Variants in ZNF131 observed in about 807,000 individuals in gnomAD.
The protein encoded by ZNF131 is zinc finger and BTB domain containing 35, also known as zinc finger protein 131.
Under a neutral mutation model 60.0 loss-of-function variants are expected in ZNF131, and 7 were observed. The ratio of observed to expected loss-of-function variants is 0.12; its 90% confidence interval spans 0.07 to 0.22. The LOEUF is 0.22. Ranked by LOEUF, ZNF131 falls within the 10% of genes least tolerant of loss-of-function variation. The probability of loss-of-function intolerance (pLI) is 1.00; values close to 1 mark genes in which losing one functional copy is unlikely to be tolerated. For missense variants in ZNF131, 493 were observed against 740.9 expected (o/e 0.67, Z 3.88); for synonymous variants, 257 against 253.2 (o/e 1.01, Z -0.14).
chr5:43,137,215 C>T (rs10036044), intron 3 of ZNF131, among the ~76,000 whole-genome samples: 1,810 of 152,102 alleles, frequency 0.012, 31 homozygotes, highest in African/African-American at 0.042. Flanking sequence ...GGTGGGACTA[C>T]ATCAAACTAA....
At chr5:43,172,680 T>C (rs915414516) in intron 5 of ZNF131, among the ~76,000 whole-genome samples, 1 of 152,170 alleles carries the variant, frequency 6.6e-6, no homozygotes. Context: ...AGAATTATCT[T>C]TACAGCTATC....
chr5:43,122,708 T>A (rs1039379869), intron 2 of ZNF131, among the ~76,000 whole-genome samples: 1 of 152,224 alleles, frequency 6.6e-6, no homozygotes. Flanking sequence ...GTTTTCTGTT[T>A]AGCGAAAATA....
Position 43,160,171 on chromosome 5 carries a change from A to G in ZNF131, c.372-1078A>G, listed in dbSNP as rs78239602. 0.011 allele frequency among the ~76,000 whole-genome samples: 1,502 copies of G among 138,952 alleles called. 96 individuals carry two copies. In the East Asian group the frequency reaches 0.19, roughly 18 times the overall value. The allele number at this position is 138,952 out of a possible 152,430, so 91.2% of individuals were successfully genotyped here. On this transcript the variant is annotated intron_variant, in intron 4 of 6. Coordinates refer to ENST00000682664, the MANE Select transcript of ZNF131 (RefSeq NM_001330707.2). The stretch of plus-strand genomic sequence containing the variant: ...AGCCTGGGTGACAGAGCGAGACTCC[A>G]TCTCAAAAAAACAAAACAAAAAAAA...
At chr5:43,130,263 C>CAAA (rs765959932) in intron 3 of ZNF131, among the ~76,000 whole-genome samples, 806 of 33,124 alleles carry the variant, frequency 0.024, 93 homozygotes, top group South Asian at 0.033. Flanking sequence ...GACTCTGTCT[C>CAAA]CAAAAAAAAA....
In ZNF131 at chr5:43,172,617, C is replaced by CAAA. The variant is rs36072959; in HGVS notation, c.1055-688_1055-686dup. On this transcript the variant is annotated intron_variant, in intron 5 of 6. Coordinates refer to ENST00000682664, the MANE Select transcript of ZNF131 (RefSeq NM_001330707.2). ...AGCCTAGGTGACAGAGTAAGACTCT[C>CAAA]AAAAAAAAAAAAAAACCCTAATTTA... Among the ~76,000 whole-genome samples the CAAA allele has an allele frequency of 6.0e-3, 782 of 131,106 alleles. 1 individual carries two copies. The highest frequency in any genetic ancestry group is 0.012 in the African/African-American group (410 of 35,492). The allele number at this position is 131,106 out of a possible 152,430, so 86.0% of individuals were successfully genotyped here.
intron 4 of ZNF131, among the ~76,000 whole-genome samples, chr5:43,140,344 G>T (rs1484481980): frequency 1.3e-5 from 2 of 152,172 alleles, no homozygotes; most frequent in Non-Finnish European, 2.9e-5. Flanking sequence ...CAGTTTCCCT[G>T]GGTTAACATC....
At chr5:43,135,689 C>G (rs1269937336) in intron 3 of ZNF131, among the ~76,000 whole-genome samples, 1 of 151,920 alleles carries the variant, frequency 6.6e-6, no homozygotes, top group Non-Finnish European at 1.5e-5. Flanking sequence ...CCACTGCACT[C>G]GAGCCTGGGC....
intron 4 of ZNF131, among the ~76,000 whole-genome samples, chr5:43,139,535 G>T (rs913081595): frequency 6.6e-6 from 1 of 152,112 alleles, no homozygotes; most frequent in African/African-American, 2.4e-5. Flanking sequence ...AGCATCTTTG[G>T]TATGTAATAA....
intron 5 of ZNF131, among the ~76,000 whole-genome samples, chr5:43,165,812 A>T (rs1382566329): frequency 9.2e-5 from 14 of 152,182 alleles, no homozygotes; most frequent in Admixed American, 9.2e-4. Flanking sequence ...CTTCTCCCTA[A>T]CTATGAAAGT....
At chr5:43,129,376 G>A (rs144290525) in intron 3 of ZNF131, among the ~76,000 whole-genome samples, 3 of 151,638 alleles carry the variant, frequency 2.0e-5, no homozygotes, top group African/African-American at 7.3e-5. Context: ...CCAGCCCTTG[G>A]TACCAGTACT....
At chr5:43,121,865 C>G (rs1014393356) in intron 1 of ZNF131, 174 bp from the exon 2 acceptor site, 4 of 633,420 alleles carry the variant, frequency 6.3e-6, no homozygotes, top group Admixed American at 3.8e-5. Flanking sequence ...GCTCCGGTCT[C>G]AACGCTCCGG....
chr5:43,153,622 CAA>C (rs2111791332), intron 4 of ZNF131, among the ~76,000 whole-genome samples: 2 of 152,166 alleles, frequency 1.3e-5, no homozygotes, highest in East Asian at 1.9e-4. Context: ...ACCTGGGCAA[CAA>C]GAGCGAAACT....
chr5:43,130,263 C>CAAAAAAAAAAAAAAAAAAAAAAA (rs765959932), intron 3 of ZNF131, among the ~76,000 whole-genome samples: 563 of 33,018 alleles, frequency 0.017, 113 homozygotes, highest in Non-Finnish European at 0.022. Context: ...GACTCTGTCT[C>CAAAAAAAAAAAAAAAAAAAAAAA]CAAAAAAAAA....
chr5:43,154,832 T>C (rs1340306032), intron 4 of ZNF131, among the ~76,000 whole-genome samples: 1 of 152,194 alleles, frequency 6.6e-6, no homozygotes, highest in African/African-American at 2.4e-5. Context: ...CTGCTATTTT[T>C]TCCACAGTTG....
intron 5 of ZNF131, among the ~76,000 whole-genome samples, chr5:43,168,937 T>A (rs759641131): frequency 2.3e-4 from 35 of 152,066 alleles, no homozygotes; most frequent in Non-Finnish European, 4.7e-4. Flanking sequence ...TAGAAAAAAA[T>A]ACGTAGATGA....
intron 3 of ZNF131, among the ~76,000 whole-genome samples, chr5:43,134,836 A>G (rs184804203): frequency 7.0e-6 from 1 of 142,880 alleles, no homozygotes; most frequent in East Asian, 2.1e-4. Flanking sequence ...GAGTAGCTGT[A>G]CAGGCTCCCC....
At chr5:43,149,523 C>T (rs1357946283) in intron 4 of ZNF131, among the ~76,000 whole-genome samples, 1 of 152,130 alleles carries the variant, frequency 6.6e-6, no homozygotes, top group Admixed American at 6.6e-5. Flanking sequence ...AGTTTTTGGA[C>T]ATACGCTTTC....
chr5:43,147,817 T>G (rs13154654), intron 4 of ZNF131, among the ~76,000 whole-genome samples: 14,668 of 151,124 alleles, frequency 0.097, 841 homozygotes, highest in East Asian at 0.19. Flanking sequence ...CACTTTGGGA[T>G]GCCGAGGCAG....
intron 4 of ZNF131, among the ~76,000 whole-genome samples, chr5:43,151,877 G>T (rs1748356459): frequency 6.6e-6 from 1 of 152,196 alleles, no homozygotes; most frequent in Non-Finnish European, 1.5e-5. Flanking sequence ...ACCTGCATCA[G>T]TGTAGAGGCA....
Sources: gnomAD v4.1 joint callset for allele counts (sites outside exome capture counted in the v4.1 genomes callset) on GRCh38, gnomAD v4.1.1 for gene constraint, MANE v1.5 for transcripts, NCBI Gene and HGNC (gene_info 2026-07-23, HGNC 2026-07-21) for gene names.